Variants in SRRD observed in about 807,000 individuals in gnomAD.
The protein encoded by SRRD is SRR1 domain containing.
A neutral mutation model predicts 30.7 loss-of-function variants in SRRD; 28 were observed. The observed-to-expected ratio is 0.91, with a 90% confidence interval of 0.68 to 1.25. The LOEUF (loss-of-function observed/expected upper bound fraction) is 1.25, where lower values mean the gene tolerates loss of function less well. Among genes scored for constraint, SRRD ranks in the 50% most tolerant of loss-of-function variants. SRRD has a pLI of 0.00. For synonymous variants in SRRD, 161 were observed against 159.6 expected, an observed-to-expected ratio of 1.01 and a Z score of -0.07; for missense variants, 415 against 417.3, an observed-to-expected ratio of 0.99 and a Z score of 0.05.
At chr22:26,490,732 T>G in intron 5 of SRRD, 2 of 329,888 alleles carry the variant, frequency 6.1e-6, no homozygotes, top group Non-Finnish European at 1.1e-5. Flanking sequence ...CCCGGCTGAT[T>G]TTTTTATTTT....
intron 4 of SRRD, among the ~76,000 whole-genome samples, chr22:26,489,777 C>T (rs1920982594): frequency 6.6e-6 from 1 of 152,166 alleles, no homozygotes; most frequent in Non-Finnish European, 1.5e-5. Context: ...GGAAGCCCCT[C>T]CATCAGTGCA....
chr22:26,494,225 G>A lies in SRRD; in HGVS notation c.*2553G>A, dbSNP rs1569155764. The stretch of plus-strand genomic sequence containing the variant: ...AGATGGATGTGCCAGCACTTGGTCT[G>A]AGAACATCGACTTCCAACCCAGGTA... On this transcript the variant is annotated 3_prime_UTR_variant, in exon 7 of 7. Coordinates refer to ENST00000215917, the MANE Select transcript of SRRD (RefSeq NM_001013694.3). 5 of 1,614,246 alleles carry A rather than the reference G, an allele frequency of 3.1e-6. No homozygotes were observed. Among genetic ancestry groups the A allele is most frequent in the Non-Finnish European group, 4.2e-6 (5 of 1,180,042 alleles).
In SRRD at chr22:26,492,382, G is replaced by C; in HGVS notation, c.*710G>C. The stretch of plus-strand genomic sequence containing the variant: ...GCATGTAGGCACCTAAGATACAGGA[G>C]GACAGGGCGGTGAGGAGAGGTGTTT... On this transcript the variant is annotated 3_prime_UTR_variant, in exon 7 of 7. Transcript: ENST00000215917. 1.2e-6 allele frequency: 2 copies of C among 1,612,232 alleles called. No individual in the cohort carries two copies. The highest frequency in any genetic ancestry group is 2.7e-5 in the African/African-American group (2 of 74,998).
At chr22:26,490,844 G>A (rs367862265) in intron 5 of SRRD, 181 bp from the exon 6 acceptor site, 13 of 585,794 alleles carry the variant, frequency 2.2e-5, no homozygotes, top group Admixed American at 9.4e-5. Flanking sequence ...GATTACCTGC[G>A]CCTGGCCCAC....
At position 26,490,831 on chromosome 22, in the gene SRRD, T is replaced by C. The variant is rs536436992; in HGVS notation, c.765-194T>C. The C allele has an allele frequency of 4.3e-5, 24 of 564,324 alleles. No homozygotes were observed. The South Asian group carries it at 5.3e-4, about 13-fold the overall frequency. 35.0% of individuals were successfully genotyped at this position (564,324 alleles called of 1,614,324 possible). A position where few individuals can be genotyped will look rare whatever the true frequency, so the allele number is the denominator to read the frequency against. On this transcript the variant is annotated intron_variant, in intron 5 of 6. Transcript: ENST00000215917. The stretch of plus-strand genomic sequence containing the variant: ...CGCCCGCCTCAGTCTCCTGAAGTGC[T>C]GGGATTACCTGCGCCTGGCCCACAT...
rs1032870827 is a variant in SRRD, at chr22:26,483,905, A to G, written c.15A>G (p.Ala5=). 2.6e-5 allele frequency: 35 copies of G among 1,347,744 alleles called. No individual in the cohort carries two copies. The highest frequency in any genetic ancestry group is 3.1e-5 in the African/African-American group (2 of 64,668). 83.5% of individuals were successfully genotyped at this position (1,347,744 alleles called of 1,614,324 possible). Residue 5 remains alanine, a synonymous_variant, in exon 1 of 7, where the codon GCA becomes GCG. Transcript: ENST00000215917. The part of the protein sequence containing the change: MAAA[A]AAALESWQAA... Reference sequence around the variant, plus strand: ...GTCAGAGACCAATGGCTGCGGCCGCAGCTGCGGCGCTGGAATCCTGGCAGG... The same window carrying G: ...GTCAGAGACCAATGGCTGCGGCCGCGGCTGCGGCGCTGGAATCCTGGCAGG...
At chr22:26,490,568 T>TTTTTTTA (rs1921038650) in intron 5 of SRRD, among the ~76,000 whole-genome samples, 1 of 116,268 alleles carries the variant, frequency 8.6e-6, no homozygotes, top group Non-Finnish European at 1.8e-5. Flanking sequence ...GCTTTTTTTT[T>TTTTTTTA]TTTTTTTTTT....
intron 4 of SRRD, 35 bp from the exon 5 acceptor site, chr22:26,490,009 G>A (rs1344674514): frequency 1.2e-6 from 2 of 1,611,188 alleles, no homozygotes; most frequent in Non-Finnish European, 1.7e-6. Context: ...AATAGGTTGT[G>A]GGCATGTTTA....
At position 26,483,908 on chromosome 22, in the gene SRRD, T is replaced by A. The variant is rs2091602366; in HGVS notation, c.18T>A (p.Ala6=). MAAAA[A]AALESWQAAA... is the part of the protein sequence containing the mutation. ...AGAGACCAATGGCTGCGGCCGCAGCTGCGGCGCTGGAATCCTGGCAGGCGG... is the reference window on the plus strand; with the variant it reads ...AGAGACCAATGGCTGCGGCCGCAGCAGCGGCGCTGGAATCCTGGCAGGCGG... The change falls in exon 1 of 7, where the codon GCT becomes GCA. Residue 6 remains alanine (A), a synonymous_variant. Transcript: ENST00000215917. 4 of 1,347,722 alleles carry A rather than the reference T, an allele frequency of 3.0e-6. No individual in the cohort carries two copies. The African/African-American group carries it at 6.2e-5, about 21-fold the overall frequency. The allele number at this position is 1,347,722 out of a possible 1,614,324, so 83.5% of individuals were successfully genotyped here. A position where few individuals can be genotyped will look rare whatever the true frequency, so the allele number is the denominator to read the frequency against.
In SRRD at chr22:26,494,098, A is replaced by C. The variant is rs375297738; in HGVS notation, c.*2426A>C. On this transcript the variant is annotated 3_prime_UTR_variant, in exon 7 of 7. Coordinates refer to ENST00000215917, the MANE Select transcript of SRRD (RefSeq NM_001013694.3). Reference sequence around the variant, plus strand: ...TGTCATTTACATGTGTAAAATCTGAAACTTGGGGCCAGGACATCCAAAATG... The same window carrying C: ...TGTCATTTACATGTGTAAAATCTGACACTTGGGGCCAGGACATCCAAAATG... The C allele has an allele frequency of 8.1e-6, 13 of 1,606,226 alleles. No individual in the cohort carries two copies. In the African/African-American group the frequency reaches 1.5e-4, roughly 18 times the overall value.
chr22:26,490,927 T>C, intron 5 of SRRD, 98 bp from the exon 6 acceptor site: 1 of 1,085,980 alleles, frequency 9.2e-7, no homozygotes, highest in South Asian at 1.4e-5. Flanking sequence ...TTCAATCATC[T>C]TGCCCTTCTA....
chr22:26,491,134 T>C (rs765992751), intron 6 of SRRD, 64 bp downstream of exon 6: 3 of 1,514,334 alleles, frequency 2.0e-6, no homozygotes, highest in Non-Finnish European at 2.7e-6. Context: ...ATTCTATCTT[T>C]CTTTACAGGC....
At chr22:26,484,374 T>C (rs1279544605) in intron 1 of SRRD, among the ~76,000 whole-genome samples, 2 of 152,214 alleles carry the variant, frequency 1.3e-5, no homozygotes, top group Non-Finnish European at 2.9e-5. Context: ...ATGAAAATAG[T>C]ACATACGTAG....
Position 26,490,999 on chromosome 22 carries a change from TTTTTTTGG to T in SRRD, c.765-19_765-12del, listed in dbSNP as rs751159397. The T allele has an allele frequency of 3.8e-6, 6 of 1,597,308 alleles. No homozygotes were observed. In the African/African-American group the frequency reaches 6.8e-5, roughly 18 times the overall value. On this transcript the variant is annotated intron_variant, in intron 5 of 6. Coordinates refer to ENST00000215917, the MANE Select transcript of SRRD (RefSeq NM_001013694.3). ...TCCTAATCATGGTGTTTTTTTTTTG[TTTTTTTGG>T]TTTTTTTTAATTTCTAGGTTGTTGG...
At chr22:26,487,962 T>G (rs1339342907) in intron 2 of SRRD, 67 bp from the exon 3 acceptor site, 5 of 1,509,908 alleles carry the variant, frequency 3.3e-6, no homozygotes, top group Non-Finnish European at 4.4e-6. Context: ...GAACTTCTTT[T>G]GTGGATGATT....
At chr22:26,487,872 G>A in intron 2 of SRRD, 157 bp from the exon 3 acceptor site, 1 of 771,088 alleles carries the variant, frequency 1.3e-6, no homozygotes. Context: ...GGCATGTTTG[G>A]GAATGAGGCT....
At position 26,484,010 on chromosome 22, in the gene SRRD, GCC is replaced by G. The variant is rs1180389201; in HGVS notation, c.123_124del (p.Arg42GlyfsTer16). 2.2e-6 allele frequency: 3 copies of G among 1,357,658 alleles called. No individual in the cohort carries two copies. Among genetic ancestry groups the G allele is most frequent in the Non-Finnish European group, 2.8e-6 (3 of 1,058,194 alleles). The allele number at this position is 1,357,658 out of a possible 1,614,324, so 84.1% of individuals were successfully genotyped here. A position where few individuals can be genotyped will look rare whatever the true frequency, so the allele number is the denominator to read the frequency against. ...EAAPRGREAA[P>X]RGREAAPRGP... The stretch of plus-strand genomic sequence containing the variant: ...CGGCGCCCCGGGGGAGAGAGGCGGC[GCC>G]CCGGGGGAGAGAGGCGGCGCCCCGG... On this transcript the variant is annotated frameshift_variant, in exon 1 of 7. Coordinates refer to ENST00000215917, the MANE Select transcript of SRRD (RefSeq NM_001013694.3). LOFTEE classifies it high-confidence loss of function.
chr22:26,486,551 G>C (rs890914845), intron 2 of SRRD, among the ~76,000 whole-genome samples: 1 of 151,974 alleles, frequency 6.6e-6, no homozygotes, highest in African/African-American at 2.4e-5. Context: ...CTTACTCTTC[G>C]CCTAGGCTGG....
chr22:26,486,191 A>G, intron 2 of SRRD, 128 bp downstream of exon 2: 1 of 993,128 alleles, frequency 1.0e-6, no homozygotes, highest in Non-Finnish European at 1.5e-6. Context: ...TTACAGCTGT[A>G]TGTCTTTTGG....
Sources: allele counts gnomAD v4.1 joint callset (sites outside exome capture counted in the v4.1 genomes callset), GRCh38; gene constraint gnomAD v4.1.1; transcripts MANE v1.5; gene names NCBI Gene and HGNC (gene_info 2026-07-23, HGNC 2026-07-21).